ALKBH6: variants seen among roughly 807,000 people sequenced by gnomAD.
ALKBH6 encodes the protein alkB homolog 6, nucleotide demethylase.
In ALKBH6, 20 loss-of-function variants were observed where a neutral mutation model predicts 25.1. The observed-to-expected ratio is 0.80, with a 90% confidence interval of 0.56 to 1.16. The LOEUF (loss-of-function observed/expected upper bound fraction) is 1.16, where lower values mean the gene tolerates loss of function less well. Among genes scored for constraint, ALKBH6 ranks in the 50% most tolerant of loss-of-function variants. The pLI is 0.00. For missense variants in ALKBH6, 263 were observed against 326.5 expected (o/e 0.81, Z 1.50); for synonymous variants, 156 against 147.5 (o/e 1.06, Z -0.42).
Position 36,013,151 on chromosome 19 carries a change from C to T in ALKBH6, c.55-62G>A. Reference sequence around the variant, plus strand: ...AACCCACACAGAGGACATATCATCACAGAGCAACCCCTATGCCTGGAGACA... The same window carrying T: ...AACCCACACAGAGGACATATCATCATAGAGCAACCCCTATGCCTGGAGACA... On this transcript the variant is annotated intron_variant, in intron 2 of 6. Transcript: ENST00000378875. This position sits in a 1 kb window ranked among gnomAD's most constrained non-coding sequence, Gnocchi z 4.6. 6.5e-7 allele frequency: 1 copy of T among 1,535,382 alleles called. No individual in the cohort carries two copies. Among genetic ancestry groups the T allele is most frequent in the Non-Finnish European group, 9.0e-7 (1 of 1,109,408 alleles).
Position 36,009,259 on chromosome 19 carries a change from C to A in ALKBH6, c.*31G>T. The A allele has an allele frequency of 1.5e-6, 2 of 1,303,382 alleles. No homozygotes were observed. The highest frequency in any genetic ancestry group is 9.7e-7 in the Non-Finnish European group (1 of 1,027,052). The allele number at this position is 1,303,382 out of a possible 1,614,324, so 80.7% of individuals were successfully genotyped here. On this transcript the variant is annotated 3_prime_UTR_variant, in exon 7 of 7. Coordinates refer to ENST00000378875, the MANE Select transcript of ALKBH6 (RefSeq NM_032878.5). ...ACAGCAGCCCCAAAGGGGCAGGAACCTGGGAATCCGAGGGGTCCCGGCCCT... is the reference window on the plus strand; with the variant it reads ...ACAGCAGCCCCAAAGGGGCAGGAACATGGGAATCCGAGGGGTCCCGGCCCT...
chr19:36,011,002 G>A lies in ALKBH6; in HGVS notation c.228C>T (p.Pro76=), dbSNP rs1404907001. 1 of 1,613,388 alleles carries A rather than the reference G, an allele frequency of 6.2e-7. No homozygotes were observed. The highest frequency in any genetic ancestry group is 1.1e-5 in the South Asian group (1 of 90,960). The change falls in exon 5 of 7, where the codon CCC becomes CCT. Residue 76 remains proline, a synonymous_variant. Coordinates refer to ENST00000378875, the MANE Select transcript of ALKBH6 (RefSeq NM_032878.5). ...TGTCCACGTAGCGCTGGAGCCATGG[G>A]GGCAGCCGCTCAGGAACCATCCCTC... ...HPRGMVPERL[P]PWLQRYVDKV...
rs1370484658 is a variant in ALKBH6 at position 36,009,308 on chromosome 19, G to A, written c.699C>T (p.Gly233=). The part of the protein sequence containing the change: ...IRRVPRVLRA[G]LLLGK ...CTGGCGGTCACTTGCCCAGCAGGAG[G>A]CCGGCGCGCAGCACGCGGGGCACGC... The change falls in exon 7 of 7, where the codon GGC becomes GGT. Residue 233 remains glycine (G), a synonymous_variant. Transcript: ENST00000378875. 2.2e-6 allele frequency: 3 copies of A among 1,361,022 alleles called. No individual in the cohort carries two copies. The highest frequency in any genetic ancestry group is 1.7e-5 in the South Asian group (1 of 58,700). The allele number at this position is 1,361,022 out of a possible 1,614,324, so 84.3% of individuals were successfully genotyped here. A position where few individuals can be genotyped will look rare whatever the true frequency, so the allele number is the denominator to read the frequency against.
chr19:36,009,791 G>A (rs1968540562), intron 6 of ALKBH6, among the ~76,000 whole-genome samples: 1 of 152,002 alleles, frequency 6.6e-6, no homozygotes, highest in Admixed American at 6.6e-5. Flanking sequence ...GGATCTAGGT[G>A]GCAGATGGGG....
Position 36,009,402 on chromosome 19 carries a change from G to A in ALKBH6, c.605C>T (p.Ala202Val), listed in dbSNP as rs1318539240. The change falls in exon 7 of 7, where the codon GCA (alanine) becomes GTA (valine). Residue 202 changes from alanine (A) to valine (V), a missense_variant. By Grantham distance (64) the Ala-to-Val change is moderately conservative (BLOSUM62 0). Coordinates refer to ENST00000378875, the MANE Select transcript of ALKBH6 (RefSeq NM_032878.5). ...TCCCGGCCGCGCCGACGGGCAGGCT[G>A]CCGCATTGGGCGGCGAGGAGGCGGC... ...LDAASSPPNAAACPSARPGAC... is the reference protein window; with the variant it reads ...LDAASSPPNAVACPSARPGAC... 1.6e-6 allele frequency: 2 copies of A among 1,249,888 alleles called. No homozygotes were observed. The highest frequency in any genetic ancestry group is 1.6e-5 in the African/African-American group (1 of 64,416). The allele number at this position is 1,249,888 out of a possible 1,614,324, so 77.4% of individuals were successfully genotyped here. A position where few individuals can be genotyped will look rare whatever the true frequency, so the allele number is the denominator to read the frequency against.
Position 36,009,549 on chromosome 19 carries a change from C to A in ALKBH6, c.458G>T (p.Arg153Leu). Residue 153 changes from arginine (R) to leucine (L), a missense_variant, in exon 7 of 7, where the codon CGG (arginine) becomes CTG (leucine). By Grantham distance (102) the Arg-to-Leu change is moderately radical. Transcript: ENST00000378875. The stretch of plus-strand genomic sequence containing the variant: ...CGAGGTGGTGGGCCGGGGCGGAGGC[C>A]GAGGCTGCAGGGCGGGTTGAGGGTC... ...PEDDDPTEQPRPPPRPTTSLL... is the reference protein window; with the variant it reads ...PEDDDPTEQPLPPPRPTTSLL... The A allele has an allele frequency of 1.0e-6, 1 of 958,852 alleles. No individual in the cohort carries two copies. Among genetic ancestry groups the A allele is most frequent in the Non-Finnish European group, 1.2e-6 (1 of 828,802 alleles). 59.4% of individuals were successfully genotyped at this position (958,852 alleles called of 1,614,324 possible).
chr19:36,014,024 T>C, intron 1 of ALKBH6, 151 bp downstream of exon 1: 1 of 1,457,556 alleles, frequency 6.9e-7, no homozygotes, highest in Non-Finnish European at 9.0e-7. Flanking sequence ...CCAAATCTTC[T>C]TCCCTCCCTG....
chr19:36,010,363 G>A lies in ALKBH6; in HGVS notation c.453+204C>T. 1 of 620,406 alleles carries A rather than the reference G, an allele frequency of 1.6e-6. No individual in the cohort carries two copies. The highest frequency in any genetic ancestry group is 1.9e-5 in the South Asian group (1 of 53,094). The allele number at this position is 620,406 out of a possible 1,614,324, so 38.4% of individuals were successfully genotyped here. On this transcript the variant is annotated intron_variant, in intron 6 of 6. Coordinates refer to ENST00000378875, the MANE Select transcript of ALKBH6 (RefSeq NM_032878.5). The surrounding 1 kb of genome is among the most constrained non-coding windows in gnomAD (Gnocchi z 5.5). ...CAGGTTGGGGCATCGGGGAGCCTGT[G>A]AAAATCATGGCATGTGGGACAGACA...
In ALKBH6 at chr19:36,010,087, C is replaced by T. The variant is rs150080169; in HGVS notation, c.453+480G>A. On this transcript the variant is annotated intron_variant, in intron 6 of 6. Transcript: ENST00000378875. This position sits in a 1 kb window ranked among gnomAD's most constrained non-coding sequence, Gnocchi z 5.5. ...GGGCAAGCCTCAAGGAGTGGGTCGG[C>T]GTGTTCAGGGGCGTTTCTGTGAACA... Among the ~76,000 whole-genome samples the T allele has an allele frequency of 4.6e-3, 697 of 152,172 alleles. 7 individuals carry two copies. The highest frequency in any genetic ancestry group is 0.016 in the African/African-American group (676 of 41,510).
chr19:36,012,831 G>A (rs911741544), intron 3 of ALKBH6, 190 bp downstream of exon 3: 8 of 613,438 alleles, frequency 1.3e-5, no homozygotes, highest in African/African-American at 5.5e-5. Context: ...CTCAGCCTAT[G>A]TTTATAACCC....
chr19:36,013,484 C>A lies in ALKBH6; in HGVS notation c.-25-62G>T. On this transcript the variant is annotated intron_variant, in intron 1 of 6. Transcript: ENST00000378875. The surrounding 1 kb of genome is among the most constrained non-coding windows in gnomAD (Gnocchi z 4.6). ...CTCCCGCCCTAACACCATGATGCAG[C>A]ATTCCACCCCATCACAGGCCAGGCC... 6.2e-7 allele frequency: 1 copy of A among 1,601,310 alleles called. No individual in the cohort carries two copies. Among genetic ancestry groups the A allele is most frequent in the Non-Finnish European group, 8.5e-7 (1 of 1,173,138 alleles).
Position 36,009,308 on chromosome 19 carries a change from G to C in ALKBH6, c.699C>G (p.Gly233=). The change falls in exon 7 of 7, where the codon GGC becomes GGG. Residue 233 remains glycine (G), a synonymous_variant. Coordinates refer to ENST00000378875, the MANE Select transcript of ALKBH6 (RefSeq NM_032878.5). ...IRRVPRVLRA[G]LLLGK Reference sequence around the variant, plus strand: ...CTGGCGGTCACTTGCCCAGCAGGAGGCCGGCGCGCAGCACGCGGGGCACGC... The same window carrying C: ...CTGGCGGTCACTTGCCCAGCAGGAGCCCGGCGCGCAGCACGCGGGGCACGC... 1 of 1,361,130 alleles carries C rather than the reference G, an allele frequency of 7.3e-7. No homozygotes were observed. Among genetic ancestry groups the C allele is most frequent in the Non-Finnish European group, 9.5e-7 (1 of 1,054,092 alleles). The allele number at this position is 1,361,130 out of a possible 1,614,324, so 84.3% of individuals were successfully genotyped here. A position where few individuals can be genotyped will look rare whatever the true frequency, so the allele number is the denominator to read the frequency against.
rs574296562 is a variant in ALKBH6, at chr19:36,013,249, A to C, written c.54+95T>G. ...GTGCCATTCCAGAATGGACTCTGAC[A>C]GTAAGAATGAATTTGGTGGAAGGGG... On this transcript the variant is annotated intron_variant, in intron 2 of 6. Coordinates refer to ENST00000378875, the MANE Select transcript of ALKBH6 (RefSeq NM_032878.5). The surrounding 1 kb of genome is among the most constrained non-coding windows in gnomAD (Gnocchi z 4.6). 1.6e-5 allele frequency: 25 copies of C among 1,529,324 alleles called. No individual in the cohort carries two copies. Among genetic ancestry groups the C allele is most frequent in the Non-Finnish European group, 2.1e-5 (23 of 1,106,108 alleles). The allele number at this position is 1,529,324 out of a possible 1,614,324, so 94.7% of individuals were successfully genotyped here.
Position 36,013,616 on chromosome 19 carries a change from C to G in ALKBH6, c.-25-194G>C, listed in dbSNP as rs893379624. ...ACGTTCCATGCCCGGACACAATGAG[C>G]CCCAAGAATAATCCCCCATTACTCT... On this transcript the variant is annotated intron_variant, in intron 1 of 6. Transcript: ENST00000378875. This position sits in a 1 kb window ranked among gnomAD's most constrained non-coding sequence, Gnocchi z 4.6. 7.1e-7 allele frequency: 1 copy of G among 1,412,574 alleles called. No individual in the cohort carries two copies. The highest frequency in any genetic ancestry group is 9.2e-7 in the Non-Finnish European group (1 of 1,084,636). 87.5% of individuals were successfully genotyped at this position (1,412,574 alleles called of 1,614,324 possible).
rs1353518004 is a variant in ALKBH6, at chr19:36,009,349, A to T, written c.658T>A (p.Ser220Thr). 7.5e-7 allele frequency: 1 copy of T among 1,325,228 alleles called. No individual in the cohort carries two copies. The highest frequency in any genetic ancestry group is 9.6e-7 in the Non-Finnish European group (1 of 1,036,316). The allele number at this position is 1,325,228 out of a possible 1,614,324, so 82.1% of individuals were successfully genotyped here. A position where few individuals can be genotyped will look rare whatever the true frequency, so the allele number is the denominator to read the frequency against. The stretch of plus-strand genomic sequence containing the variant: ...CGGGGCACGCGGCGGATGGTCAGCG[A>T]GACCCGGGTGCCGCGCACCAGGCAG... The part of the protein sequence containing the change: ...GACLVRGTRV[S>T]LTIRRVPRVL... Residue 220 changes from serine (S) to threonine (T), a missense_variant, in exon 7 of 7, where the codon TCG (serine) becomes ACG (threonine). This residue lies in a region of ALKBH6 where 148 missense variants were observed against 157.5 expected (regional missense o/e 0.94). Transcript: ENST00000378875.
Position 36,011,583 on chromosome 19 carries a change from A to G in ALKBH6, c.124-119T>C, listed in dbSNP as rs894817389. Reference sequence around the variant, plus strand: ...GAAATGGGTCATCTGTGTCTGTGGGACCATTCCCTGGGGCGGTGGGTTCCT... The same window carrying G: ...GAAATGGGTCATCTGTGTCTGTGGGGCCATTCCCTGGGGCGGTGGGTTCCT... On this transcript the variant is annotated intron_variant, in intron 3 of 6. Transcript: ENST00000378875. The G allele has an allele frequency of 4.4e-6, 5 of 1,128,124 alleles. No individual in the cohort carries two copies. In the African/African-American group the frequency reaches 7.8e-5, roughly 18 times the overall value. The allele number at this position is 1,128,124 out of a possible 1,614,324, so 69.9% of individuals were successfully genotyped here. A position where few individuals can be genotyped will look rare whatever the true frequency, so the allele number is the denominator to read the frequency against.
chr19:36,010,457 A>G lies in ALKBH6; in HGVS notation c.453+110T>C, dbSNP rs1968567787. 2.2e-6 allele frequency: 2 copies of G among 929,834 alleles called. No individual in the cohort carries two copies. Among genetic ancestry groups the G allele is most frequent in the Middle Eastern group, 2.2e-4 (1 of 4,552 alleles). 57.6% of individuals were successfully genotyped at this position (929,834 alleles called of 1,614,324 possible). A position where few individuals can be genotyped will look rare whatever the true frequency, so the allele number is the denominator to read the frequency against. Reference sequence around the variant, plus strand: ...ACCCCATGAGGGGACAAGGGAAGGTATCTGGGAGAGTGCCAGGAGTACCCC... The same window carrying G: ...ACCCCATGAGGGGACAAGGGAAGGTGTCTGGGAGAGTGCCAGGAGTACCCC... On this transcript the variant is annotated intron_variant, in intron 6 of 6. Coordinates refer to ENST00000378875, the MANE Select transcript of ALKBH6 (RefSeq NM_032878.5). The surrounding 1 kb of genome is among the most constrained non-coding windows in gnomAD (Gnocchi z 5.5).
chr19:36,010,321 CAG>C lies in ALKBH6; in HGVS notation c.453+244_453+245del, dbSNP rs917869920. 14 of 519,564 alleles carry C rather than the reference CAG, an allele frequency of 2.7e-5. No individual in the cohort carries two copies. Among genetic ancestry groups the C allele is most frequent in the African/African-American group, 1.9e-4 (10 of 52,048 alleles). 32.2% of individuals were successfully genotyped at this position (519,564 alleles called of 1,614,324 possible). A position where few individuals can be genotyped will look rare whatever the true frequency, so the allele number is the denominator to read the frequency against. On this transcript the variant is annotated intron_variant, in intron 6 of 6. Transcript: ENST00000378875. The surrounding 1 kb of genome is among the most constrained non-coding windows in gnomAD (Gnocchi z 5.5). ...AGGATATCAGTGTCTGCTGGGGAGTCAGGGGTATCCATTCAGCAGGTTGGGGC... is the reference window on the plus strand; with the variant it reads ...AGGATATCAGTGTCTGCTGGGGAGTCGGGTATCCATTCAGCAGGTTGGGGC...
In ALKBH6 at chr19:36,010,542, G is replaced by T; in HGVS notation, c.453+25C>A. 6.3e-7 allele frequency: 1 copy of T among 1,596,952 alleles called. No homozygotes were observed. Among genetic ancestry groups the T allele is most frequent in the Non-Finnish European group, 8.6e-7 (1 of 1,165,488 alleles). ...TGCGAGGTTGAAGTGCCTACAAGCAGCTGGGGCAGTGTCTGGGGGCCCACC... is the reference window on the plus strand; with the variant it reads ...TGCGAGGTTGAAGTGCCTACAAGCATCTGGGGCAGTGTCTGGGGGCCCACC... On this transcript the variant is annotated intron_variant, in intron 6 of 6. Coordinates refer to ENST00000378875, the MANE Select transcript of ALKBH6 (RefSeq NM_032878.5). The surrounding 1 kb of genome is among the most constrained non-coding windows in gnomAD (Gnocchi z 5.5).
Sources: allele counts gnomAD v4.1 joint callset (sites outside exome capture counted in the v4.1 genomes callset), GRCh38; gene constraint gnomAD v4.1.1; regional missense constraint gnomAD v4.1.1; non-coding constraint Gnocchi (gnomAD v3.1); transcripts MANE v1.5; gene names NCBI Gene and HGNC (gene_info 2026-07-23, HGNC 2026-07-21).